MAP4K2: variants seen among roughly 807,000 people sequenced by gnomAD.
MAP4K2 encodes mitogen-activated protein kinase kinase kinase kinase 2.
A neutral mutation model predicts 125.3 loss-of-function variants in MAP4K2; 85 were observed. The observed-to-expected ratio is 0.68, with a 90% CI of 0.57 to 0.81. MAP4K2 has a LOEUF of 0.81. MAP4K2 is among the 40% of genes least tolerant of loss of function. MAP4K2 has a pLI of 0.00. For synonymous variants in MAP4K2, 479 were observed against 445.1 expected, an observed-to-expected ratio of 1.08 and a Z score of -0.96; for missense variants, 923 against 1,056.4, an observed-to-expected ratio of 0.87 and a Z score of 1.75.
chr11:64,799,817 C>A, intron 12 of MAP4K2, 134 bp from the exon 13 acceptor site: 1 of 699,572 alleles, frequency 1.4e-6, no homozygotes, highest in Non-Finnish European at 2.5e-6. Flanking sequence ...TAAAATGGAA[C>A]CCCACTTCAC....
In MAP4K2 at chr11:64,793,084, C is replaced by T. The variant is rs187594930; in HGVS notation, c.1752-662G>A. ...ATACAAAATTAGCCAGGCGTGGTGG[C>T]GCGTGCCTGTAATCCCAGCTACTTG... On this transcript the variant is annotated intron_variant, in intron 24 of 31. Transcript: ENST00000294066. Among the ~76,000 whole-genome samples the T allele has an allele frequency of 2.5e-3, 383 of 152,164 alleles. 1 individual carries two copies. The highest frequency in any genetic ancestry group is 8.2e-3 in the African/African-American group (342 of 41,510).
chr11:64,795,391 G>C (rs1477664331), intron 24 of MAP4K2, among the ~76,000 whole-genome samples: 1 of 151,174 alleles, frequency 6.6e-6, no homozygotes, highest in South Asian at 2.1e-4. Flanking sequence ...CCCATTTTTT[G>C]ATTTTTTGGG....
Position 64,800,715 on chromosome 11 carries a change from T to C in MAP4K2, c.725+49A>G, listed in dbSNP as rs1370089989. On this transcript the variant is annotated intron_variant, in intron 10 of 31. Transcript: ENST00000294066. ...GAGTTGGCAGAGGCTGTTTGTCCAC[T>C]ATGGGGCTGACAGAAAAGGGGGTCC... 8 of 1,561,646 alleles carry C rather than the reference T, an allele frequency of 5.1e-6. No individual in the cohort carries two copies. The South Asian group carries it at 9.3e-5, about 18-fold the overall frequency.
At position 64,799,469 on chromosome 11, in the gene MAP4K2, C is replaced by T; in HGVS notation, c.1005G>A (p.Val335=). 6.2e-7 allele frequency: 1 copy of T among 1,611,296 alleles called. No individual in the cohort carries two copies. Residue 335 remains valine, a synonymous_variant, in exon 14 of 32, where the codon GTG becomes GTA. Transcript: ENST00000294066. ...CCTTCCTGCGTGGGGCGCCAAATTT[C>T]ACCTGGTGAACTGGGGGGCCCAGAG... is the stretch of plus-strand genomic sequence containing the variant. The part of the protein sequence containing the change: ...RTPSEIQFHQ[V]KFGAPRRKET...
chr11:64,790,558 G>T, intron 27 of MAP4K2, 96 bp from the exon 28 acceptor site: 2 of 1,165,766 alleles, frequency 1.7e-6, no homozygotes, highest in Non-Finnish European at 2.5e-6. Flanking sequence ...CCTTGGCCAT[G>T]AGGGCACGTC....
At chr11:64,798,295 A>G (rs1216032657) in intron 15 of MAP4K2, among the ~76,000 whole-genome samples, 3 of 152,158 alleles carry the variant, frequency 2.0e-5, no homozygotes, top group Non-Finnish European at 2.9e-5. Context: ...CCTCCTGAGT[A>G]GCTGGGATTA....
chr11:64,796,225 C>T, intron 24 of MAP4K2, 48 bp downstream of exon 24: 2 of 1,483,482 alleles, frequency 1.3e-6, no homozygotes, highest in Non-Finnish European at 1.8e-6. Context: ...GTTCCAGCCC[C>T]TCCCTGCCCC....
rs1940356783 is a variant in MAP4K2 at position 64,789,669 on chromosome 11, C to T, written c.2376-45G>A. On this transcript the variant is annotated intron_variant, in intron 31 of 31. Transcript: ENST00000294066. Reference sequence around the variant, plus strand: ...GGGGCAGGGCGGGAGACACTTGGTACATCAGCCCCTTCTCTGGCCTCAGGG... The same window carrying T: ...GGGGCAGGGCGGGAGACACTTGGTATATCAGCCCCTTCTCTGGCCTCAGGG... 4 of 1,612,894 alleles carry T rather than the reference C, an allele frequency of 2.5e-6. No homozygotes were observed. In the African/African-American group the frequency reaches 5.3e-5, roughly 22 times the overall value.
chr11:64,797,705 T>TTC (rs1940907280), intron 15 of MAP4K2, 41 bp from the exon 16 acceptor site: 1 of 942,428 alleles, frequency 1.1e-6, no homozygotes, highest in East Asian at 5.1e-5. Context: ...AACCTTTCCT[T>TTC]TTTTTTTTTT....
chr11:64,791,768 C>G, intron 27 of MAP4K2, 141 bp downstream of exon 27: 1 of 851,904 alleles, frequency 1.2e-6, no homozygotes, highest in Non-Finnish European at 1.7e-6. Flanking sequence ...GGGCCCCAGA[C>G]CCCACATGGC....
At chr11:64,795,209 G>A (rs935469708) in intron 24 of MAP4K2, among the ~76,000 whole-genome samples, 1 of 150,022 alleles carries the variant, frequency 6.7e-6, no homozygotes, top group Non-Finnish European at 1.5e-5. Flanking sequence ...TCAGCCTCCC[G>A]AGTAGCTGGG....
intron 24 of MAP4K2, among the ~76,000 whole-genome samples, chr11:64,793,849 T>C (rs775933201): frequency 1.2e-4 from 18 of 152,236 alleles, no homozygotes; most frequent in Non-Finnish European, 2.5e-4. Context: ...TGTGACCTGT[T>C]GGGGCTCTGA....
At chr11:64,802,965 G>A (rs1211874050) in intron 1 of MAP4K2, 23 bp from the exon 2 acceptor site, 3 of 1,562,036 alleles carry the variant, frequency 1.9e-6, no homozygotes, top group Admixed American at 1.8e-5. Context: ...AGGGTGAAGC[G>A]GGATGGGGGG....
At chr11:64,798,913 G>A (rs1022944832) in intron 14 of MAP4K2, 76 bp from the exon 15 acceptor site, 1 of 1,258,550 alleles carries the variant, frequency 7.9e-7, no homozygotes, top group Admixed American at 2.2e-5. Flanking sequence ...AGAGATTCAG[G>A]AAAGGAAAGA....
At chr11:64,793,403 G>A (rs1940616318) in intron 24 of MAP4K2, among the ~76,000 whole-genome samples, 1 of 152,182 alleles carries the variant, frequency 6.6e-6, no homozygotes, top group African/African-American at 2.4e-5. Context: ...TCCAGCAGAG[G>A]CAACAGCCCT....
intron 7 of MAP4K2, 131 bp downstream of exon 7, chr11:64,801,448 C>T: frequency 9.1e-7 from 1 of 1,095,010 alleles, no homozygotes; most frequent in Non-Finnish European, 1.3e-6. Flanking sequence ...AGTACCGTTC[C>T]ATCTTCTAAG....
Position 64,796,686 on chromosome 11 carries a change from T to C in MAP4K2, c.1520A>G (p.Glu507Gly). ...ATGCAGGTTGAGTGTGTAGATGCCT[T>C]CCTCGGCCCCTACCACCAGGAACTG... ...RDQFLVVGAEEGIYTLNLHEL... is the reference protein window; with the variant it reads ...RDQFLVVGAEGGIYTLNLHEL... The change falls in exon 22 of 32, where the codon GAA becomes GGA. Residue 507 changes from glutamate to glycine, a missense_variant. Transcript: ENST00000294066. 1 of 1,613,744 alleles carries C rather than the reference T, an allele frequency of 6.2e-7. No homozygotes were observed. The highest frequency in any genetic ancestry group is 8.5e-7 in the Non-Finnish European group (1 of 1,179,938).
At chr11:64,795,535 G>C (rs949404356) in intron 24 of MAP4K2, among the ~76,000 whole-genome samples, 16 of 151,952 alleles carry the variant, frequency 1.1e-4, no homozygotes, top group Admixed American at 9.2e-4. Context: ...CGAGTAGCTG[G>C]GACTACAGGC....
chr11:64,796,636 T>A lies in MAP4K2; in HGVS notation c.1570A>T (p.Lys524Ter). ...LHELHEDTLE[K>*]LISHRCSWLY... ...CCCCACAGCCAGCCGGGCCTCACCT[T>A]CTCCAGCGTATCCTCATGCAGTTCA... Residue 524 changes from lysine (K) to a stop codon, truncating the protein, a stop_gained and splice_region_variant, in exon 22 of 32, where the codon AAG (lysine) becomes TAG (stop). Transcript: ENST00000294066. LOFTEE classifies it high-confidence loss of function. 2 of 1,614,010 alleles carry A rather than the reference T, an allele frequency of 1.2e-6. No homozygotes were observed. The highest frequency in any genetic ancestry group is 1.1e-5 in the South Asian group (1 of 91,080).
Sources: gnomAD v4.1 joint callset for allele counts (sites outside exome capture counted in the v4.1 genomes callset) on GRCh38, gnomAD v4.1.1 for gene constraint, MANE v1.5 for transcripts, NCBI Gene and HGNC (gene_info 2026-07-23, HGNC 2026-07-21) for gene names.